DLG2: variants seen among roughly 807,000 people sequenced by gnomAD.
DLG2 encodes discs large MAGUK scaffold protein 2.
In DLG2, 45 loss-of-function variants were observed where a neutral mutation model predicts 132.5. That is an observed-to-expected ratio of 0.34 (90% CI 0.27 to 0.44). DLG2 has a LOEUF of 0.44. Among genes scored for constraint, DLG2 ranks in the 20% least tolerant of loss-of-function variants. DLG2 has a pLI of 1.00. For synonymous variants in DLG2, 424 were observed against 419.6 expected (o/e 1.01, Z -0.13); for missense variants, 1,045 against 1,196.9 (o/e 0.87, Z 1.87).
At chr11:85,527,596 T>C (rs919235449) in intron 3 of DLG2, among the ~76,000 whole-genome samples, 2 of 152,194 alleles carry the variant, frequency 1.3e-5, no homozygotes, top group Non-Finnish European at 2.9e-5. Flanking sequence ...CAGTCTATCA[T>C]TGATGGGCAT....
chr11:84,183,608 G>C (rs2096200656), intron 8 of DLG2, among the ~76,000 whole-genome samples: 1 of 151,908 alleles, frequency 6.6e-6, no homozygotes, highest in South Asian at 2.1e-4. Flanking sequence ...TAAGTTTTAG[G>C]GTACATGTGC....
rs77338533 is a variant in DLG2, at chr11:84,913,055, C to T, written c.357+198606G>A. ...AAGGAGAGGCAGAAAGAGACAAAGT[C>T]GAAGAAATTACAGGTAGATTCTACA... On this transcript the variant is annotated intron_variant, in intron 6 of 27. Transcript: ENST00000376104. Among the ~76,000 whole-genome samples the T allele has an allele frequency of 5.9e-5, 9 of 152,128 alleles. No homozygotes were observed. The South Asian group carries it at 8.3e-4, about 14-fold the overall frequency.
intron 6 of DLG2, among the ~76,000 whole-genome samples, chr11:85,086,781 A>G (rs961206164): frequency 6.6e-6 from 1 of 152,206 alleles, no homozygotes; most frequent in Non-Finnish European, 1.5e-5. Context: ...GTTTGTTTCA[A>G]TTAATTGACT....
intron 7 of DLG2, among the ~76,000 whole-genome samples, chr11:84,502,206 CCTTCCTTCCTT>C (rs2099211488): frequency 4.7e-5 from 1 of 21,282 alleles, no homozygotes; most frequent in Non-Finnish European, 7.6e-5. Context: ...CTCTCTCCTT[CCTTCCTTCCTT>C]CCTTCCTTCC....
intron 4 of DLG2, among the ~76,000 whole-genome samples, chr11:85,200,520 G>C (rs932603603): frequency 6.6e-6 from 1 of 152,180 alleles, no homozygotes; most frequent in Non-Finnish European, 1.5e-5. Flanking sequence ...AGGCGGCCCA[G>C]TCTCAGCATC....
At chr11:84,378,760 C>T (rs1300875067) in intron 7 of DLG2, among the ~76,000 whole-genome samples, 1 of 148,660 alleles carries the variant, frequency 6.7e-6, no homozygotes, top group Admixed American at 6.7e-5. Context: ...GAAACCCTGT[C>T]TGTACTAAAA....
At chr11:85,220,269 C>T (rs1459775491) in intron 4 of DLG2, among the ~76,000 whole-genome samples, 1 of 151,812 alleles carries the variant, frequency 6.6e-6, no homozygotes, top group East Asian at 1.9e-4. Flanking sequence ...CACTGTTTAA[C>T]GTGGTGACTA....
chr11:84,591,328 G>T (rs372566227), intron 6 of DLG2, among the ~76,000 whole-genome samples: 1,755 of 85,220 alleles, frequency 0.021, 5 homozygotes, highest in Non-Finnish European at 0.027. Flanking sequence ...TTTTTTTTTT[G>T]TTTTGTTTGT....
chr11:84,276,027 T>C (rs151270633), intron 7 of DLG2, among the ~76,000 whole-genome samples: 1 of 152,238 alleles, frequency 6.6e-6, no homozygotes, highest in African/African-American at 2.4e-5. Flanking sequence ...AAGAAAAAAA[T>C]TGTAAATCAA....
At chr11:83,944,733 A>T (rs182621249) in intron 14 of DLG2, among the ~76,000 whole-genome samples, 12 of 152,362 alleles carry the variant, frequency 7.9e-5, no homozygotes, top group African/African-American at 2.4e-4. Flanking sequence ...ACCAGGCAAC[A>T]AAACTGCTAG....
intron 6 of DLG2, among the ~76,000 whole-genome samples, chr11:85,061,066 G>C (rs377507512): frequency 6.6e-6 from 1 of 151,250 alleles, no homozygotes; most frequent in Non-Finnish European, 1.5e-5. Flanking sequence ...CAAATCCTTT[G>C]TCCATTTTTT....
chr11:84,645,737 G>C (rs1257716111), intron 6 of DLG2, among the ~76,000 whole-genome samples: 1 of 152,194 alleles, frequency 6.6e-6, no homozygotes, highest in Non-Finnish European at 1.5e-5. Flanking sequence ...AAAGTGCTGG[G>C]ATTACAGGCG....
At chr11:85,324,895 G>A (rs1410325074) in intron 3 of DLG2, among the ~76,000 whole-genome samples, 1 of 148,824 alleles carries the variant, frequency 6.7e-6, no homozygotes, top group Non-Finnish European at 1.5e-5. Context: ...CAGACAGTGG[G>A]CGCAGGCCAG....
At chr11:85,448,714 T>C (rs1019729199) in intron 3 of DLG2, among the ~76,000 whole-genome samples, 1 of 152,184 alleles carries the variant, frequency 6.6e-6, no homozygotes, top group African/African-American at 2.4e-5. Context: ...AGGAAATACC[T>C]TCAGATAAGG....
rs1391734254 is a variant in DLG2, at chr11:84,784,366, A to AAATTAATT, written c.358-249636_358-249635insAATTAATT. Among the ~76,000 whole-genome samples, 1,160 of 147,436 alleles carry AAATTAATT rather than the reference A, an allele frequency of 7.9e-3. 14 individuals are homozygous for AAATTAATT. Among genetic ancestry groups the AAATTAATT allele is most frequent in the Middle Eastern group, 0.025 (7 of 282 alleles). ...TAAATAAATAAATAAATAAATAAATAAATTAAACAAGAGTATAGAACATAA... is the reference window on the plus strand; with the variant it reads ...TAAATAAATAAATAAATAAATAAATAAATTAATTAATTAAACAAGAGTATAGAACATAA... On this transcript the variant is annotated intron_variant, in intron 6 of 27. Transcript: ENST00000376104.
chr11:85,010,572 A>T (rs2059068015), intron 6 of DLG2, among the ~76,000 whole-genome samples: 1 of 152,086 alleles, frequency 6.6e-6, no homozygotes, highest in Non-Finnish European at 1.5e-5. Context: ...CTTTTCTTCT[A>T]GTATTATTTC....
chr11:84,662,752 A>G (rs2154548158), intron 6 of DLG2, among the ~76,000 whole-genome samples: 1 of 142,974 alleles, frequency 7.0e-6, no homozygotes, highest in Non-Finnish European at 1.5e-5. Context: ...AAGCCACTGC[A>G]CTCCAGCCTG....
intron 6 of DLG2, among the ~76,000 whole-genome samples, chr11:84,585,323 A>G (rs2099527061): frequency 6.6e-6 from 1 of 152,122 alleles, no homozygotes; most frequent in Non-Finnish European, 1.5e-5. Context: ...TTGGCTCTAG[A>G]ACTGGTGAAC....
chr11:84,491,610 C>G (rs2099165427), intron 7 of DLG2, among the ~76,000 whole-genome samples: 1 of 152,132 alleles, frequency 6.6e-6, no homozygotes, highest in Non-Finnish European at 1.5e-5. Context: ...ATGGTGAACA[C>G]AGCTGCCATT....
Sources: gnomAD v4.1 joint callset for allele counts (sites outside exome capture counted in the v4.1 genomes callset) on GRCh38, gnomAD v4.1.1 for gene constraint, MANE v1.5 for transcripts, NCBI Gene and HGNC (gene_info 2026-07-23, HGNC 2026-07-21) for gene names.